MYO9A: variants seen among roughly 807,000 people sequenced by gnomAD.
MYO9A encodes unconventional myosin-IXa.
In MYO9A, 103 loss-of-function variants were observed where a neutral mutation model predicts 293.3. The ratio of observed to expected loss-of-function variants is 0.35; its 90% CI spans 0.30 to 0.41. MYO9A has a LOEUF of 0.41. Ranked by LOEUF, MYO9A falls within the 10% of genes least tolerant of loss-of-function variation. The pLI, the probability that MYO9A is intolerant of heterozygous loss-of-function variation, is 1.00. For missense variants in MYO9A, 2,685 were observed against 3,033.0 expected (o/e 0.89, Z 2.69); for synonymous variants, 1,001 against 1,035.7 (o/e 0.97, Z 0.64).
At chr15:72,067,356 C>T (rs1272792869) in intron 1 of MYO9A, among the ~76,000 whole-genome samples, 2 of 152,176 alleles carry the variant, frequency 1.3e-5, no homozygotes, top group East Asian at 3.9e-4. Context: ...GCTGCCCAGG[C>T]TGGAGTCCAG....
intron 2 of MYO9A, among the ~76,000 whole-genome samples, chr15:72,044,007 T>C (rs1239664381): frequency 1.3e-5 from 2 of 151,622 alleles, no homozygotes; most frequent in African/African-American, 4.8e-5. Flanking sequence ...TGTTTTCATA[T>C]ATGTCTGCAG....
At chr15:71,960,171 CT>C in intron 13 of MYO9A, 75 bp from the exon 14 acceptor site, 1 of 1,295,518 alleles carries the variant, frequency 7.7e-7, no homozygotes, top group Non-Finnish European at 1.1e-6. Flanking sequence ...TGATAACATA[CT>C]TTGGATGCTT....
At chr15:72,067,201 T>C (rs965231688) in intron 1 of MYO9A, among the ~76,000 whole-genome samples, 3 of 149,798 alleles carry the variant, frequency 2.0e-5, no homozygotes, top group Non-Finnish European at 4.4e-5. Context: ...ACTATATAAA[T>C]TAAGACTGTC....
At position 71,884,354 on chromosome 15, in the gene MYO9A, GTAT is replaced by G. The variant is rs1311760736; in HGVS notation, c.5256-621_5256-619del. ...CACTATTTACATTCATGAGTTATTA[GTAT>G]TATTAACAGCCACTTATTTGAACTT... On this transcript the variant is annotated intron_variant, in intron 27 of 41. Transcript: ENST00000356056. Among the ~76,000 whole-genome samples, 3 of 152,082 alleles carry G rather than the reference GTAT, an allele frequency of 2.0e-5. No homozygotes were observed. In the East Asian group the frequency reaches 5.8e-4, roughly 29 times the overall value.
At chr15:71,975,428 T>TGTGTG (rs2076116955) in intron 12 of MYO9A, among the ~76,000 whole-genome samples, 11 of 147,944 alleles carry the variant, frequency 7.4e-5, no homozygotes, top group South Asian at 2.2e-4. Context: ...TGTGTGTGTG[T>TGTGTG]AGGTTTTCGT....
At chr15:72,001,307 C>A (rs1281712195) in intron 8 of MYO9A, among the ~76,000 whole-genome samples, 1 of 152,020 alleles carries the variant, frequency 6.6e-6, no homozygotes, top group Non-Finnish European at 1.5e-5. Context: ...GTACTCCCAG[C>A]ACATTAGGAG....
rs758799191 is a variant in MYO9A at position 71,826,897 on chromosome 15, A to G, written c.7330T>C (p.Ser2444Pro). The part of the protein sequence containing the change: ...SSLCLSNTAS[S>P]HGTRKLFQIY... ...TGAAATAGTTTTCTGGTCCCATGAGATGATGCCGTGTTAGACAGACATAAA... is the reference window on the plus strand; with the variant it reads ...TGAAATAGTTTTCTGGTCCCATGAGGTGATGCCGTGTTAGACAGACATAAA... Residue 2444 changes from serine to proline, a missense_variant, in exon 42 of 42, where the codon TCT becomes CCT. Physicochemically the swap from Ser to Pro is moderately conservative, Grantham distance 74. Transcript: ENST00000356056. The G allele has an allele frequency of 2.5e-6, 4 of 1,614,128 alleles. No individual in the cohort carries two copies. The highest frequency in any genetic ancestry group is 3.4e-6 in the Non-Finnish European group (4 of 1,180,002).
At chr15:72,063,229 C>G (rs974941862) in intron 1 of MYO9A, among the ~76,000 whole-genome samples, 1 of 152,138 alleles carries the variant, frequency 6.6e-6, no homozygotes, top group Admixed American at 6.5e-5. Flanking sequence ...CTATCTCTCA[C>G]CATATACAAA....
chr15:72,103,705 T>C (rs73436343), intron 1 of MYO9A, among the ~76,000 whole-genome samples: 76 of 152,352 alleles, frequency 5.0e-4, no homozygotes, highest in African/African-American at 1.7e-3. Flanking sequence ...ACTGAACTAA[T>C]TTTTTAGATT....
intron 40 of MYO9A, 129 bp from the exon 41 acceptor site, chr15:71,828,155 A>C (rs940300566): frequency 1.7e-5 from 18 of 1,058,294 alleles, no homozygotes; most frequent in African/African-American, 4.8e-5. Context: ...GTCCCCATCC[A>C]GGTGGTGATG....
chr15:72,100,157 C>T (rs895375356), intron 1 of MYO9A, among the ~76,000 whole-genome samples: 66 of 151,914 alleles, frequency 4.3e-4, no homozygotes, highest in African/African-American at 4.8e-4. Flanking sequence ...CCGAGGCGGG[C>T]GGATCACCTG....
rs1595969762 is a variant in MYO9A at position 71,825,771 on chromosome 15, G to C, written c.*809C>G. On this transcript the variant is annotated 3_prime_UTR_variant, in exon 42 of 42. Transcript: ENST00000356056. ...TGTCTCTGGGAAACTAAAAAATAAT[G>C]TAGAAGAATCTGATCCTAGGACCAA... The C allele has an allele frequency of 6.6e-6, 1 of 152,156 alleles. No homozygotes were observed. Among genetic ancestry groups the C allele is most frequent in the East Asian group, 1.9e-4 (1 of 5,198 alleles). 9.4% of individuals were successfully genotyped at this position (152,156 alleles called of 1,614,324 possible).
chr15:71,898,807 G>T lies in MYO9A; in HGVS notation c.3696C>A (p.Asn1232Lys), dbSNP rs1410988056. 1.2e-6 allele frequency: 2 copies of T among 1,614,018 alleles called. No homozygotes were observed. The highest frequency in any genetic ancestry group is 1.7e-6 in the Non-Finnish European group (2 of 1,180,054). ...GGCTTTGGGCTCTCTCCTGCTGCTT[G>T]TTTGGTGACTCCTTCAAGCAGTCCA... ...SSVDCLKESP[N>K]KQQERAQSQS... The change falls in exon 25 of 42, where the codon AAC becomes AAA. Residue 1232 changes from asparagine (N) to lysine (K), a missense_variant. Physicochemically the swap from Asn to Lys is moderately conservative, Grantham distance 94. This residue lies in a region of MYO9A where 1,434 missense variants were observed against 1,497.7 expected (regional missense o/e 0.96). Transcript: ENST00000356056.
chr15:72,015,123 G>A (rs1566950749), intron 6 of MYO9A, among the ~76,000 whole-genome samples: 2 of 151,370 alleles, frequency 1.3e-5, no homozygotes, highest in South Asian at 2.1e-4. Context: ...GATTACAAGC[G>A]TGACCCACCG....
At chr15:71,878,315 G>T in intron 30 of MYO9A, 84 bp from the exon 31 acceptor site, 2 of 935,536 alleles carry the variant, frequency 2.1e-6, no homozygotes, top group Non-Finnish European at 3.0e-6. Flanking sequence ...TAATGGGGTA[G>T]TATTTAGAAT....
chr15:71,973,896 C>A (rs555281436), intron 12 of MYO9A, among the ~76,000 whole-genome samples: 3 of 152,250 alleles, frequency 2.0e-5, no homozygotes, highest in Middle Eastern at 3.4e-3. Flanking sequence ...AAGAACTGTT[C>A]TTTTTGTCAG....
chr15:71,921,438 T>C (rs2058153101), intron 18 of MYO9A, among the ~76,000 whole-genome samples: 1 of 152,204 alleles, frequency 6.6e-6, no homozygotes, highest in South Asian at 2.1e-4. Flanking sequence ...TGACTTATCC[T>C]GCAAAACCCA....
At position 71,862,571 on chromosome 15, in the gene MYO9A, T is replaced by C. The variant is rs760390220; in HGVS notation, c.6020A>G (p.Tyr2007Cys). Residue 2007 changes from tyrosine (Y) to cysteine (C), a missense_variant, in exon 33 of 42, where the codon TAT (tyrosine) becomes TGT (cysteine). Tyr to Cys is a radical substitution (Grantham distance 194, BLOSUM62 -2). Coordinates refer to ENST00000356056, the MANE Select transcript of MYO9A (RefSeq NM_006901.4). ...GTATTCACAGTATGTAGGGATGCTA[T>C]ATTGGGTGGCTTTAAAGATGTGACC... ...HNGHIFKATQ[Y>C]SIPTYCEYCS... 18 of 1,613,424 alleles carry C rather than the reference T, an allele frequency of 1.1e-5. No homozygotes were observed. The South Asian group carries it at 2.0e-4, about 18-fold the overall frequency.
At chr15:72,010,547 A>T in intron 6 of MYO9A, 100 bp from the exon 7 acceptor site, 2 of 988,216 alleles carry the variant, frequency 2.0e-6, no homozygotes, top group Non-Finnish European at 3.0e-6. Context: ...ACCTGTATGT[A>T]TAAATGCAAA....
Sources: allele counts gnomAD v4.1 joint callset (sites outside exome capture counted in the v4.1 genomes callset), GRCh38; gene constraint gnomAD v4.1.1; regional missense constraint gnomAD v4.1.1; transcripts MANE v1.5; gene names NCBI Gene and HGNC (gene_info 2026-07-23, HGNC 2026-07-21).